TMEM132D: variants seen among roughly 807,000 people sequenced by gnomAD.
TMEM132D encodes mature OL transmembrane protein.
In TMEM132D, 21 loss-of-function variants were observed where a neutral mutation model predicts 62.3. That is an observed-to-expected ratio of 0.34 (90% CI 0.24 to 0.49). The LOEUF is 0.49. TMEM132D is among the 20% of genes least tolerant of loss of function. The pLI is 0.99. For missense variants in TMEM132D, 1,346 were observed against 1,402.8 expected (o/e 0.96, Z 0.65); for synonymous variants, 621 against 575.6 (o/e 1.08, Z -1.13).
chr12:129,566,088 T>C (rs942747983), intron 2 of TMEM132D, among the ~76,000 whole-genome samples: 13 of 152,208 alleles, frequency 8.5e-5, no homozygotes, highest in Admixed American at 7.2e-4. Context: ...TAAGTTTGAG[T>C]TTTTCAGGGA....
At chr12:129,450,428 AC>A (rs1276121178) in intron 3 of TMEM132D, among the ~76,000 whole-genome samples, 16 of 152,260 alleles carry the variant, frequency 1.1e-4, no homozygotes, top group Non-Finnish European at 2.9e-5. Context: ...TATGTAACAA[AC>A]CTGTACTTGC....
intron 3 of TMEM132D, among the ~76,000 whole-genome samples, chr12:129,454,838 G>T (rs1000189434): frequency 1.3e-5 from 2 of 152,134 alleles, no homozygotes; most frequent in African/African-American, 4.8e-5. Context: ...ATCCAAGATG[G>T]CAGGCAGTCA....
At chr12:129,527,339 C>T (rs6486481) in intron 3 of TMEM132D, among the ~76,000 whole-genome samples, 101,909 of 152,036 alleles carry the variant, frequency 0.67, 34,650 homozygotes, top group African/African-American at 0.78. Context: ...ACAAAACATT[C>T]GTTTTAAAAT....
chr12:129,360,314 A>AG (rs1025510307), intron 3 of TMEM132D, among the ~76,000 whole-genome samples: 10 of 152,328 alleles, frequency 6.6e-5, no homozygotes, highest in African/African-American at 2.2e-4. Context: ...AACTGTACTT[A>AG]GGGGGGCCCT....
Position 129,783,664 on chromosome 12 carries a change from C to T in TMEM132D, c.80-82966G>A, listed in dbSNP as rs1025746959. Among the ~76,000 whole-genome samples, 9 of 152,130 alleles carry T rather than the reference C, an allele frequency of 5.9e-5. No individual in the cohort carries two copies. In the South Asian group the frequency reaches 6.2e-4, roughly 11 times the overall value. ...TTCCATTGGAACCAAATGTTCAGAA[C>T]GTCTGCACATTAGAATATTTTGGTT... On this transcript the variant is annotated intron_variant, in intron 1 of 8. Coordinates refer to ENST00000422113, the MANE Select transcript of TMEM132D (RefSeq NM_133448.3).
chr12:129,211,631 A>T (rs138113543), intron 4 of TMEM132D, among the ~76,000 whole-genome samples: 126 of 152,324 alleles, frequency 8.3e-4, no homozygotes, highest in African/African-American at 3.0e-3. Flanking sequence ...CACTGGGGTT[A>T]GGCTTTGGAT....
intron 3 of TMEM132D, among the ~76,000 whole-genome samples, chr12:129,513,739 C>A (rs1168166988): frequency 6.6e-6 from 1 of 151,182 alleles, no homozygotes; most frequent in Non-Finnish European, 1.5e-5. Context: ...CCCGTCTCAG[C>A]CTCTCAAAGT....
intron 1 of TMEM132D, among the ~76,000 whole-genome samples, chr12:129,848,413 T>C (rs1396025257): frequency 6.6e-6 from 1 of 152,204 alleles, no homozygotes; most frequent in African/African-American, 2.4e-5. Context: ...GGTACCGGAA[T>C]GCTTCAGCTT....
intron 2 of TMEM132D, among the ~76,000 whole-genome samples, chr12:129,588,657 C>T (rs1878098441): frequency 6.6e-6 from 1 of 151,482 alleles, no homozygotes; most frequent in Non-Finnish European, 1.5e-5. Flanking sequence ...CCACTGCAAG[C>T]TCCGCCTCCC....
At chr12:129,778,984 T>A (rs955408413) in intron 1 of TMEM132D, among the ~76,000 whole-genome samples, 1 of 152,192 alleles carries the variant, frequency 6.6e-6, no homozygotes, top group Non-Finnish European at 1.5e-5. Flanking sequence ...AGTTTCTTTC[T>A]CTCTCACGTA....
intron 5 of TMEM132D, among the ~76,000 whole-genome samples, chr12:129,159,968 A>C (rs1877355539): frequency 6.6e-6 from 1 of 152,102 alleles, no homozygotes. Context: ...AAGAGCTGAG[A>C]TGCTGCCTGA....
At chr12:129,253,417 C>T (rs994519248) in intron 4 of TMEM132D, among the ~76,000 whole-genome samples, 3 of 152,082 alleles carry the variant, frequency 2.0e-5, no homozygotes, top group African/African-American at 2.4e-5. Flanking sequence ...TCACTTCAAC[C>T]TTTTACATGA....
intron 3 of TMEM132D, among the ~76,000 whole-genome samples, chr12:129,494,032 CA>C (rs1874877198): frequency 1.3e-5 from 2 of 152,288 alleles, no homozygotes; most frequent in East Asian, 3.9e-4. Flanking sequence ...ACCATCCAGT[CA>C]GGAGCTCAGG....
intron 2 of TMEM132D, among the ~76,000 whole-genome samples, chr12:129,678,268 A>T (rs2137205903): frequency 6.6e-6 from 1 of 152,274 alleles, no homozygotes; most frequent in Non-Finnish European, 1.5e-5. Flanking sequence ...CCTACCAGCA[A>T]TAATATTATG....
At chr12:129,442,071 A>G (rs530149455) in intron 3 of TMEM132D, among the ~76,000 whole-genome samples, 35 of 152,300 alleles carry the variant, frequency 2.3e-4, no homozygotes, top group African/African-American at 7.0e-4. Context: ...ATTGCACCCC[A>G]ACCCCCAGTG....
In TMEM132D at chr12:129,730,000, C is replaced by G. The variant is rs187429915; in HGVS notation, c.80-29302G>C. Among the ~76,000 whole-genome samples the G allele has an allele frequency of 3.4e-3, 516 of 152,270 alleles. 3 individuals carry two copies. Among genetic ancestry groups the G allele is most frequent in the Non-Finnish European group, 6.0e-3 (409 of 68,018 alleles). On this transcript the variant is annotated intron_variant, in intron 1 of 8. Transcript: ENST00000422113. ...AATTGCTCCTAACTCCACGGCCTATCCCAAACCCTTAAGAACCAATGATAA... is the reference window on the plus strand; with the variant it reads ...AATTGCTCCTAACTCCACGGCCTATGCCAAACCCTTAAGAACCAATGATAA...
intron 2 of TMEM132D, among the ~76,000 whole-genome samples, chr12:129,548,451 G>A (rs773926555): frequency 5.3e-5 from 8 of 152,182 alleles, no homozygotes; most frequent in Non-Finnish European, 8.8e-5. Flanking sequence ...AAAAGGGAAG[G>A]AATAGGAAGA....
At chr12:129,563,771 CCA>C (rs1286228186) in intron 2 of TMEM132D, among the ~76,000 whole-genome samples, 1 of 151,944 alleles carries the variant, frequency 6.6e-6, no homozygotes, top group African/African-American at 2.4e-5. Flanking sequence ...GACATTCAAC[CCA>C]CAGAGAACAC....
chr12:129,100,649 G>A (rs1382452207), intron 5 of TMEM132D, among the ~76,000 whole-genome samples: 2 of 152,156 alleles, frequency 1.3e-5, no homozygotes, highest in East Asian at 3.8e-4. Flanking sequence ...TTTTTTTCTG[G>A]AGTGAATGAA....
Sources: gnomAD v4.1 joint callset for allele counts (sites outside exome capture counted in the v4.1 genomes callset) on GRCh38, gnomAD v4.1.1 for gene constraint, MANE v1.5 for transcripts, NCBI Gene and HGNC (gene_info 2026-07-23, HGNC 2026-07-21) for gene names.